SORCS1: variants seen among roughly 807,000 people sequenced by gnomAD.
The protein encoded by SORCS1 is sortilin related VPS10 domain containing receptor 1.
Under a neutral mutation model 146.1 loss-of-function variants are expected in SORCS1, and 60 were observed. The ratio of observed to expected loss-of-function variants is 0.41; its 90% CI spans 0.33 to 0.51. The LOEUF is 0.51. Among genes scored for constraint, SORCS1 ranks in the 20% least tolerant of loss-of-function variants. The probability of loss-of-function intolerance (pLI) is 0.21; values close to 1 mark genes in which losing one functional copy is unlikely to be tolerated. For missense variants in SORCS1, 1,352 were observed against 1,487.6 expected (o/e 0.91, Z 1.50); for synonymous variants, 637 against 584.0 (o/e 1.09, Z -1.31).
At chr10:106,750,692 G>A (rs538350480) in intron 5 of SORCS1, among the ~76,000 whole-genome samples, 10 of 114,050 alleles carry the variant, frequency 8.8e-5, no homozygotes, top group Non-Finnish European at 1.5e-4. Context: ...TCGCACCACT[G>A]CACTCCAGAC....
chr10:106,650,221 G>A (rs904923404), intron 18 of SORCS1, among the ~76,000 whole-genome samples: 2 of 152,290 alleles, frequency 1.3e-5, no homozygotes, highest in African/African-American at 4.8e-5. Flanking sequence ...AATCATTTTA[G>A]AGTTGAAGAG....
At chr10:106,954,699 T>C (rs822084) in intron 2 of SORCS1, among the ~76,000 whole-genome samples, 104,419 of 151,894 alleles carry the variant, frequency 0.69, 35,995 homozygotes, top group East Asian at 0.84. Flanking sequence ...TGGGCTACCA[T>C]GGGTCTAAAA....
chr10:106,709,127 T>G, intron 7 of SORCS1, 96 bp downstream of exon 7: 1 of 892,064 alleles, frequency 1.1e-6, no homozygotes, highest in Non-Finnish European at 1.8e-6. Flanking sequence ...CCATCCTCTC[T>G]TTTTGACTCT....
chr10:106,583,575 C>T (rs1230305164), intron 24 of SORCS1, among the ~76,000 whole-genome samples: 3 of 152,094 alleles, frequency 2.0e-5, no homozygotes, highest in Non-Finnish European at 4.4e-5. Context: ...GACACAATCT[C>T]GATTCACTGC....
At position 106,677,330 on chromosome 10, in the gene SORCS1, G is replaced by C. The variant is rs778054334; in HGVS notation, c.1815C>G (p.Leu605=). 6.2e-7 allele frequency: 1 copy of C among 1,613,910 alleles called. No homozygotes were observed. Among genetic ancestry groups the C allele is most frequent in the Admixed American group, 1.7e-5 (1 of 60,004 alleles). Residue 605 remains leucine (L), a synonymous_variant, in exon 13 of 26, where the codon CTC becomes CTG. Transcript: ENST00000263054. ...GVLVAMKHTS[L]PIRHLWLSFD... is the part of the protein sequence containing the mutation. ...GCCCTTACCAAAGATGTCGAATTGG[G>C]AGAGATGTGTGTTTCATAGCAACCA...
chr10:106,816,578 A>C (rs1162555997), intron 3 of SORCS1, among the ~76,000 whole-genome samples: 1 of 152,178 alleles, frequency 6.6e-6, no homozygotes, highest in Non-Finnish European at 1.5e-5. Flanking sequence ...AAGCTGGGAT[A>C]ATCCTACAGG....
At chr10:106,728,996 C>T (rs1045745162) in intron 6 of SORCS1, among the ~76,000 whole-genome samples, 2 of 152,076 alleles carry the variant, frequency 1.3e-5, no homozygotes, top group Non-Finnish European at 2.9e-5. Flanking sequence ...TTTCTTTTAC[C>T]CCCTCACCTG....
chr10:106,889,888 T>TAAAAAAACAAAAAA (rs1951160817), intron 2 of SORCS1, among the ~76,000 whole-genome samples: 1 of 71,680 alleles, frequency 1.4e-5, no homozygotes, highest in African/African-American at 5.2e-5. Flanking sequence ...ACGTCTCAAA[T>TAAAAAAACAAAAAA]AAAAAAAAAA....
At chr10:107,057,799 C>A (rs1274355616) in intron 1 of SORCS1, among the ~76,000 whole-genome samples, 1 of 152,176 alleles carries the variant, frequency 6.6e-6, no homozygotes, top group Admixed American at 6.5e-5. Flanking sequence ...AATATGTCCA[C>A]GGACCTTGTG....
At chr10:106,741,822 T>C (rs1249885665) in intron 5 of SORCS1, among the ~76,000 whole-genome samples, 1 of 152,190 alleles carries the variant, frequency 6.6e-6, no homozygotes, top group Non-Finnish European at 1.5e-5. Flanking sequence ...GTGGCTTTTT[T>C]GCAGTCACTT....
intron 22 of SORCS1, among the ~76,000 whole-genome samples, chr10:106,610,008 G>T (rs987497666): frequency 4.6e-5 from 7 of 152,200 alleles, no homozygotes; most frequent in African/African-American, 1.7e-4. Flanking sequence ...ACAAAAACCA[G>T]TTGTTACCCT....
intron 1 of SORCS1, among the ~76,000 whole-genome samples, chr10:107,071,578 A>G (rs1962429803): frequency 6.6e-6 from 1 of 152,168 alleles, no homozygotes; most frequent in Admixed American, 6.5e-5. Flanking sequence ...TCTTTGTTGA[A>G]TTGTCACTGG....
intron 3 of SORCS1, among the ~76,000 whole-genome samples, chr10:106,806,673 G>A (rs1019201794): frequency 8.6e-5 from 13 of 151,184 alleles, no homozygotes; most frequent in African/African-American, 3.2e-4. Flanking sequence ...CCGCCACCTC[G>A]CCCAGCTAAT....
intron 5 of SORCS1, among the ~76,000 whole-genome samples, chr10:106,752,174 C>T (rs1858303219): frequency 6.6e-6 from 1 of 152,138 alleles, no homozygotes; most frequent in Non-Finnish European, 1.5e-5. Context: ...CTACCAATCA[C>T]ATATATAGAG....
intron 1 of SORCS1, among the ~76,000 whole-genome samples, chr10:107,057,227 A>C: frequency 6.6e-6 from 1 of 152,124 alleles, no homozygotes; most frequent in East Asian, 1.9e-4. Context: ...CCCCAGAAAA[A>C]AAATTATTCA....
At chr10:106,937,379 T>C (rs1457608337) in intron 2 of SORCS1, among the ~76,000 whole-genome samples, 2 of 151,452 alleles carry the variant, frequency 1.3e-5, no homozygotes, top group East Asian at 2.0e-4. Context: ...GGTTTCACCA[T>C]GTTGGCTAGG....
In SORCS1 at chr10:106,853,325, C is replaced by G. The variant is rs181052051; in HGVS notation, c.627-23652G>C. 1.5e-3 allele frequency among the ~76,000 whole-genome samples: 232 copies of G among 151,468 alleles called. 2 individuals carry two copies. Among genetic ancestry groups the G allele is most frequent in the African/African-American group, 5.4e-3 (222 of 41,370 alleles). ...GGATCTGTAGTGCTCTCTCCTCTTT[C>G]ATTTCTGACATTAGTATTTTGTGCT... is the stretch of plus-strand genomic sequence containing the variant. On this transcript the variant is annotated intron_variant, in intron 2 of 25. Transcript: ENST00000263054.
chr10:107,116,418 TATATA>T (rs1209307081), intron 1 of SORCS1, among the ~76,000 whole-genome samples: 14 of 152,068 alleles, frequency 9.2e-5, no homozygotes, highest in African/African-American at 3.4e-4. Context: ...CACACATACA[TATATA>T]ATGTATTATA....
At chr10:106,828,485 C>T (rs1413218026) in intron 3 of SORCS1, among the ~76,000 whole-genome samples, 1 of 152,160 alleles carries the variant, frequency 6.6e-6, no homozygotes. Context: ...ATTTTCATCA[C>T]CTTCCATATT....
Sources: gnomAD v4.1 joint callset for allele counts (sites outside exome capture counted in the v4.1 genomes callset) on GRCh38, gnomAD v4.1.1 for gene constraint, MANE v1.5 for transcripts, NCBI Gene and HGNC (gene_info 2026-07-23, HGNC 2026-07-21) for gene names.